Variants in ZNF207 observed in about 807,000 individuals in gnomAD.
ZNF207 encodes the protein zinc finger protein 207, also known as BUB3-interacting and GLEBS motif-containing protein ZNF207.
Under a neutral mutation model 60.2 loss-of-function variants are expected in ZNF207, and 24 were observed. That is an observed-to-expected ratio of 0.40 (90% CI 0.29 to 0.56). The LOEUF (loss-of-function observed/expected upper bound fraction) is 0.56. ZNF207 is among the 20% of genes least tolerant of loss of function. ZNF207 has a pLI of 0.49. For synonymous variants in ZNF207, 236 were observed against 194.7 expected, an observed-to-expected ratio of 1.21 and a Z score of -1.77; for missense variants, 452 against 636.6, an observed-to-expected ratio of 0.71 and a Z score of 3.12.
In ZNF207 at chr17:32,377,273, A is replaced by C. The variant is rs1905708703; in HGVS notation, c.*7514A>C. ...GCTTCTTATTAAAATTTTATTCATA[A>C]ATAGTTTAGCAGTCACAGAGGTGAA... On this transcript the variant is annotated 3_prime_UTR_variant, in exon 12 of 12. Transcript: ENST00000394670. 1 of 151,960 alleles carries C rather than the reference A, an allele frequency of 6.6e-6. No individual in the cohort carries two copies. The highest frequency in any genetic ancestry group is 2.4e-5 in the African/African-American group (1 of 41,416). The allele number at this position is 151,960 out of a possible 1,614,324, so 9.4% of individuals were successfully genotyped here. A position where few individuals can be genotyped will look rare whatever the true frequency, so the allele number is the denominator to read the frequency against.
Position 32,376,046 on chromosome 17 carries a change from T to A in ZNF207, c.*6287T>A, listed in dbSNP as rs978130993. 3.3e-5 allele frequency: 5 copies of A among 152,072 alleles called. No homozygotes were observed. Among genetic ancestry groups the A allele is most frequent in the African/African-American group, 1.2e-4 (5 of 41,414 alleles). The allele number at this position is 152,072 out of a possible 1,614,324, so 9.4% of individuals were successfully genotyped here. A position where few individuals can be genotyped will look rare whatever the true frequency, so the allele number is the denominator to read the frequency against. Reference sequence around the variant, plus strand: ...AATCATCTGACTTTTCTGTGTGATGTTTCTTGGCAAAATAAGCACTTGATG... The same window carrying A: ...AATCATCTGACTTTTCTGTGTGATGATTCTTGGCAAAATAAGCACTTGATG... On this transcript the variant is annotated 3_prime_UTR_variant, in exon 12 of 12. Coordinates refer to ENST00000394670, the MANE Select transcript of ZNF207 (RefSeq NM_001098507.2).
rs1905811100 is a variant in ZNF207 at position 32,379,753 on chromosome 17, C to G, written c.*9994C>G. The G allele has an allele frequency of 6.6e-6, 1 of 152,222 alleles. No homozygotes were observed. The highest frequency in any genetic ancestry group is 2.1e-4 in the South Asian group (1 of 4,818). The allele number at this position is 152,222 out of a possible 1,614,324, so 9.4% of individuals were successfully genotyped here. On this transcript the variant is annotated 3_prime_UTR_variant, in exon 12 of 12. Coordinates refer to ENST00000394670, the MANE Select transcript of ZNF207 (RefSeq NM_001098507.2). Reference sequence around the variant, plus strand: ...AAGTATTATTTAAGCCACTCTAACCCTGCATGAAAAATTGGAGTTAGAAAT... The same window carrying G: ...AAGTATTATTTAAGCCACTCTAACCGTGCATGAAAAATTGGAGTTAGAAAT...
intron 2 of ZNF207, among the ~76,000 whole-genome samples, chr17:32,356,801 C>G (rs929437561): frequency 1.5e-4 from 23 of 152,126 alleles, no homozygotes; most frequent in Non-Finnish European, 2.2e-4. Flanking sequence ...CAAAAGTTAC[C>G]CAGATCTGAA....
rs555170372 is a variant in ZNF207 at position 32,377,173 on chromosome 17, T to C, written c.*7414T>C. On this transcript the variant is annotated 3_prime_UTR_variant, in exon 12 of 12. Transcript: ENST00000394670. ...TATTGTTTGACTTAAGAACCTTAAA[T>C]ATATTGAAAAGTAATGGCATTCTTG... 28 of 152,172 alleles carry C rather than the reference T, an allele frequency of 1.8e-4. No individual in the cohort carries two copies. Among genetic ancestry groups the C allele is most frequent in the Admixed American group, 1.4e-3 (22 of 15,282 alleles). 9.4% of individuals were successfully genotyped at this position (152,172 alleles called of 1,614,324 possible). A position where few individuals can be genotyped will look rare whatever the true frequency, so the allele number is the denominator to read the frequency against.
intron 10 of ZNF207, chr17:32,368,749 A>C (rs986206880): frequency 6.5e-6 from 1 of 153,526 alleles, no homozygotes; most frequent in Admixed American, 6.5e-5. Flanking sequence ...TCACACCGGT[A>C]ATCCCAGCAC....
chr17:32,350,929 C>G (rs1028662848), intron 1 of ZNF207: 3 of 150,784 alleles, frequency 2.0e-5, no homozygotes, highest in African/African-American at 7.3e-5. Context: ...AGCGTTCTCA[C>G]AGGGCGGAGT....
rs777393621 is a variant in ZNF207 at position 32,369,321 on chromosome 17, G to A, written c.1191G>A (p.Lys397=). 2 of 1,614,020 alleles carry A rather than the reference G, an allele frequency of 1.2e-6. No individual in the cohort carries two copies. Among genetic ancestry groups the A allele is most frequent in the Admixed American group, 1.7e-5 (1 of 60,012 alleles). The part of the protein sequence containing the change: ...SLEERRAQLP[K]YQRNLPRPGQ... ...AAGAGAGAAGGGCACAGTTACCTAAGTATCAACGTAATCTTCCTCGGCCAG... is the reference window on the plus strand; with the variant it reads ...AAGAGAGAAGGGCACAGTTACCTAAATATCAACGTAATCTTCCTCGGCCAG... Residue 397 remains lysine, a synonymous_variant, in exon 11 of 12, where the codon AAG becomes AAA. Coordinates refer to ENST00000394670, the MANE Select transcript of ZNF207 (RefSeq NM_001098507.2).
intron 7 of ZNF207, among the ~76,000 whole-genome samples, 171 bp from the exon 8 acceptor site, chr17:32,365,159 A>G (rs1280726763): frequency 6.6e-6 from 1 of 152,222 alleles, no homozygotes; most frequent in Admixed American, 6.5e-5. Context: ...AAGCAGTACA[A>G]AGGAAGGGAA....
At chr17:32,367,660 T>C (rs536577331) in intron 9 of ZNF207, 112 bp from the exon 10 acceptor site, 6 of 1,370,406 alleles carry the variant, frequency 4.4e-6, no homozygotes, top group Admixed American at 2.4e-5. Flanking sequence ...ATTAATTTCA[T>C]TTAAAGTTTG....
chr17:32,358,935 C>T (rs1466004527), intron 3 of ZNF207, among the ~76,000 whole-genome samples: 1 of 151,482 alleles, frequency 6.6e-6, no homozygotes, highest in African/African-American at 2.4e-5. Flanking sequence ...GAGTAGCTGG[C>T]ACTACAGGCA....
At position 32,362,926 on chromosome 17, in the gene ZNF207, G is replaced by A; in HGVS notation, c.612G>A (p.Met204Ile). 1.2e-6 allele frequency: 2 copies of A among 1,613,268 alleles called. No homozygotes were observed. The highest frequency in any genetic ancestry group is 1.7e-6 in the Non-Finnish European group (2 of 1,179,904). The part of the protein sequence containing the change: ...SFCGENIMMP[M>I]GGMMPPGPGI... ...TGCTTTCTAATAGAATGATGCCAAT[G>A]GGTGGAATGATGCCACCTGGACCAG... Residue 204 changes from methionine (M) to isoleucine (I), a missense_variant, in exon 7 of 12, where the codon ATG becomes ATA. Around this residue, in one of 2 missense-constraint regions of ZNF207, gnomAD observed 390 missense variants for 461.4 expected, o/e 0.85. Transcript: ENST00000394670.
chr17:32,369,100 T>C (rs1039028441), intron 10 of ZNF207, 195 bp from the exon 11 acceptor site: 1 of 534,634 alleles, frequency 1.9e-6, no homozygotes, highest in African/African-American at 1.9e-5. Flanking sequence ...GCTTCAAGTT[T>C]ACAAATAGGT....
At chr17:32,364,357 T>C (rs1358241398) in intron 7 of ZNF207, among the ~76,000 whole-genome samples, 1 of 126,738 alleles carries the variant, frequency 7.9e-6, no homozygotes, top group Non-Finnish European at 1.8e-5. Flanking sequence ...AGTTGTTTTT[T>C]TTTCTTTTTT....
chr17:32,354,667 C>T (rs986041252), intron 2 of ZNF207, among the ~76,000 whole-genome samples: 12 of 151,410 alleles, frequency 7.9e-5, no homozygotes, highest in African/African-American at 2.7e-4. Context: ...GGCTGGAGTG[C>T]AGTGGGCGTG....
At chr17:32,360,498 A>T in intron 3 of ZNF207, 100 bp from the exon 4 acceptor site, 1 of 1,179,380 alleles carries the variant, frequency 8.5e-7, no homozygotes. Flanking sequence ...GAAAAATCTC[A>T]TGAAGTAATT....
At chr17:32,351,510 A>T (rs1830507405) in intron 1 of ZNF207, 1 of 1,503,134 alleles carries the variant, frequency 6.7e-7, no homozygotes, top group South Asian at 1.3e-5. Flanking sequence ...AGTTTCACCG[A>T]CATCTCTGTT....
intron 2 of ZNF207, 25 bp from the exon 3 acceptor site, chr17:32,358,478 A>G (rs201409967): frequency 1.9e-5 from 29 of 1,526,316 alleles, no homozygotes; most frequent in East Asian, 2.6e-5. Flanking sequence ...AAAGACTTTT[A>G]TCTAATGGAA....
intron 7 of ZNF207, among the ~76,000 whole-genome samples, chr17:32,364,653 C>T (rs115014187): frequency 6.6e-6 from 1 of 152,216 alleles, no homozygotes; most frequent in Non-Finnish European, 1.5e-5. Flanking sequence ...CCACTGTGCC[C>T]GGCCCTAGCC....
chr17:32,351,734 T>C (rs2041512113), intron 1 of ZNF207, 52 bp from the exon 2 acceptor site: 1 of 1,610,366 alleles, frequency 6.2e-7, no homozygotes, highest in Non-Finnish European at 8.5e-7. Flanking sequence ...ATGTTTTTAT[T>C]ATAGGCAGTG....
Sources: gnomAD v4.1 joint callset for allele counts (sites outside exome capture counted in the v4.1 genomes callset) on GRCh38, gnomAD v4.1.1 for gene constraint, gnomAD v4.1.1 regional missense constraint, MANE v1.5 for transcripts, NCBI Gene and HGNC (gene_info 2026-07-23, HGNC 2026-07-21) for gene names.